DNAJC13: variants seen among roughly 807,000 people sequenced by gnomAD.
The protein encoded by DNAJC13 is dnaJ homolog subfamily C member 13.
In DNAJC13, 75 loss-of-function variants were observed where a neutral mutation model predicts 290.5. The ratio of observed to expected loss-of-function variants is 0.26; its 90% CI spans 0.21 to 0.31. DNAJC13 has a LOEUF of 0.31. Among genes scored for constraint, DNAJC13 ranks in the 10% least tolerant of loss-of-function variants. The pLI is 1.00. For synonymous variants in DNAJC13, 862 were observed against 892.0 expected, an observed-to-expected ratio of 0.97 and a Z score of 0.60; for missense variants, 2,260 against 2,674.5, an observed-to-expected ratio of 0.85 and a Z score of 3.42.
chr3:132,528,388 G>T (rs1423201168), intron 54 of DNAJC13, 56 bp downstream of exon 54: 2 of 1,599,638 alleles, frequency 1.3e-6, no homozygotes, highest in African/African-American at 1.3e-5. Context: ...CTTGGCCATG[G>T]ATGGTCCACG....
chr3:132,480,564 C>A, intron 26 of DNAJC13, 94 bp downstream of exon 26: 1 of 919,476 alleles, frequency 1.1e-6, no homozygotes, highest in Non-Finnish European at 1.7e-6. Context: ...GATGTGGTCA[C>A]ACACTTATTT....
chr3:132,423,771 G>A (rs1939022297), intron 1 of DNAJC13, among the ~76,000 whole-genome samples: 1 of 152,194 alleles, frequency 6.6e-6, no homozygotes, highest in Non-Finnish European at 1.5e-5. Context: ...AAAGAACAGT[G>A]TTTGGGTTTT....
At chr3:132,520,992 A>G (rs920650381) in intron 48 of DNAJC13, among the ~76,000 whole-genome samples, 5 of 152,256 alleles carry the variant, frequency 3.3e-5, no homozygotes, top group Non-Finnish European at 5.9e-5. Context: ...GTCTATAATG[A>G]AATCTGTTAA....
intron 1 of DNAJC13, among the ~76,000 whole-genome samples, chr3:132,427,590 G>A (rs9828393): frequency 6.6e-6 from 1 of 151,988 alleles, no homozygotes; most frequent in Non-Finnish European, 1.5e-5. Flanking sequence ...TTAAGTAAAA[G>A]TGAATGCTGA....
intron 48 of DNAJC13, among the ~76,000 whole-genome samples, chr3:132,517,598 C>T (rs1013165146): frequency 6.6e-6 from 1 of 151,954 alleles, no homozygotes; most frequent in Non-Finnish European, 1.5e-5. Context: ...AACATGCTTC[C>T]AAAGTGATTC....
At chr3:132,526,333 T>A (rs1437819313) in intron 53 of DNAJC13, 52 bp downstream of exon 53, 8 of 1,605,178 alleles carry the variant, frequency 5.0e-6, no homozygotes, top group Non-Finnish European at 6.8e-6. Context: ...ACATACCAAG[T>A]AGATTTTTAC....
intron 27 of DNAJC13, 29 bp from the exon 28 acceptor site, chr3:132,483,346 T>G (rs1285897485): frequency 6.3e-7 from 1 of 1,599,520 alleles, no homozygotes; most frequent in Admixed American, 1.7e-5. Flanking sequence ...TTATTTTGTC[T>G]GTTTGTAATA....
At chr3:132,469,419 G>A (rs918584695) in intron 20 of DNAJC13, among the ~76,000 whole-genome samples, 9 of 152,178 alleles carry the variant, frequency 5.9e-5, no homozygotes, top group African/African-American at 1.9e-4. Context: ...TAATGTATAA[G>A]GTTGCTTTTT....
chr3:132,503,099 T>C (rs1576505121), intron 40 of DNAJC13, 115 bp from the exon 41 acceptor site: 1 of 1,099,634 alleles, frequency 9.1e-7, no homozygotes, highest in Non-Finnish European at 1.3e-6. Context: ...TACCCTTTTG[T>C]TGGTTGACTT....
chr3:132,528,288 A>G lies in DNAJC13; in HGVS notation c.6481A>G (p.Lys2161Glu), dbSNP rs1263771205. 2 of 1,614,100 alleles carry G rather than the reference A, an allele frequency of 1.2e-6. No individual in the cohort carries two copies. Among genetic ancestry groups the G allele is most frequent in the African/African-American group, 2.7e-5 (2 of 74,936 alleles). The change falls in exon 54 of 56, where the codon AAA becomes GAA. Residue 2161 changes from lysine (K) to glutamate (E), a missense_variant. Transcript: ENST00000260818. ...SPAATKAQIV[K>E]ALKAMTRSLQ... Reference sequence around the variant, plus strand: ...AGCAGCCACTAAGGCTCAGATTGTTAAAGCTCTCAAGGCAATGACTCGAAG... The same window carrying G: ...AGCAGCCACTAAGGCTCAGATTGTTGAAGCTCTCAAGGCAATGACTCGAAG...
intron 40 of DNAJC13, 50 bp from the exon 41 acceptor site, chr3:132,503,164 C>T (rs1935474883): frequency 6.4e-7 from 1 of 1,574,564 alleles, no homozygotes; most frequent in South Asian, 1.1e-5. Flanking sequence ...ATAGTATTAC[C>T]TATGTAAGAT....
intron 1 of DNAJC13, among the ~76,000 whole-genome samples, chr3:132,426,293 T>A (rs879508757): frequency 2.6e-5 from 4 of 152,206 alleles, no homozygotes; most frequent in Admixed American, 2.6e-4. Context: ...AAATTGGAGA[T>A]GCTTTCAATG....
At chr3:132,443,670 T>A (rs1933147463) in intron 2 of DNAJC13, among the ~76,000 whole-genome samples, 1 of 152,194 alleles carries the variant, frequency 6.6e-6, no homozygotes, top group South Asian at 2.1e-4. Flanking sequence ...GCCCCATCCT[T>A]AAGCGGAAGT....
intron 48 of DNAJC13, among the ~76,000 whole-genome samples, chr3:132,518,512 C>T (rs1935991190): frequency 1.3e-5 from 2 of 152,098 alleles, no homozygotes; most frequent in Non-Finnish European, 2.9e-5. Flanking sequence ...ACCACCACAC[C>T]TGGCTAATTT....
chr3:132,530,227 C>A (rs1208074933), intron 54 of DNAJC13, among the ~76,000 whole-genome samples: 1 of 152,180 alleles, frequency 6.6e-6, no homozygotes, highest in Admixed American at 6.5e-5. Flanking sequence ...TTGACGCTGT[C>A]TTCCCTACTA....
In DNAJC13 at chr3:132,463,790, G is replaced by A. The variant is rs1266698159; in HGVS notation, c.1865G>A (p.Ser622Asn). ...TTGCATACTGCGATGTTTACAATAA[G>A]CTCAGATCAAAGGATGCTTACAAAT... ...RHLHTAMFTI[S>N]SDQRMLTNRQ... The change falls in exon 17 of 56, where the codon AGC becomes AAC. Residue 622 changes from serine (S) to asparagine (N), a missense_variant. Physicochemically the swap from Ser to Asn is conservative, Grantham distance 46. Around this residue, in one of 3 missense-constraint regions of DNAJC13, gnomAD observed 762 missense variants for 964.1 expected, o/e 0.79. Transcript: ENST00000260818. The A allele has an allele frequency of 6.2e-7, 1 of 1,612,794 alleles. No homozygotes were observed. The highest frequency in any genetic ancestry group is 1.3e-5 in the African/African-American group (1 of 74,882).
chr3:132,472,330 A>G (rs1013279136), intron 20 of DNAJC13, among the ~76,000 whole-genome samples: 2 of 152,204 alleles, frequency 1.3e-5, no homozygotes, highest in Non-Finnish European at 2.9e-5. Flanking sequence ...TTGCAGCCTT[A>G]AGTATGTGCC....
intron 5 of DNAJC13, among the ~76,000 whole-genome samples, chr3:132,448,422 A>G (rs1446920302): frequency 6.6e-6 from 1 of 152,096 alleles, no homozygotes; most frequent in Non-Finnish European, 1.5e-5. Flanking sequence ...ACAGCTTTGG[A>G]GGAAGCTGTG....
Position 132,475,085 on chromosome 3 carries a change from G to A in DNAJC13, c.2445G>A (p.Glu815=). The change falls in exon 22 of 56, where the codon GAG becomes GAA. Residue 815 remains glutamate, a splice_region_variant and synonymous_variant. Coordinates refer to ENST00000260818, the MANE Select transcript of DNAJC13 (RefSeq NM_015268.4). ...NVISWNHHEF[E]VKYECLAEEI... is the part of the protein sequence containing the mutation. ...TCTCCTGGAACCACCATGAGTTTGA[G>A]GTAAAGTTTGATTTTTCCAGTATAT... 2 of 1,571,408 alleles carry A rather than the reference G, an allele frequency of 1.3e-6. No homozygotes were observed. Among genetic ancestry groups the A allele is most frequent in the Non-Finnish European group, 8.6e-7 (1 of 1,160,378 alleles).
Sources: allele counts gnomAD v4.1 joint callset (sites outside exome capture counted in the v4.1 genomes callset), GRCh38; gene constraint gnomAD v4.1.1; regional missense constraint gnomAD v4.1.1; transcripts MANE v1.5; gene names NCBI Gene and HGNC (gene_info 2026-07-23, HGNC 2026-07-21).